The following MSANTD7 variants were observed in gnomAD, a reference collection of about 807,000 sequenced individuals.
MSANTD7 encodes zinc finger and SCAN domain containing 29.
At chr10:14,843,761 C>T in the MSANTD7 span, 2 of 1,536,442 alleles carry the variant, frequency 1.3e-6, no homozygotes, top group South Asian at 1.2e-5. Flanking sequence ...CAGCAAGATA[C>T]TGCCAATGAG....
At chr10:14,843,230 A>G in the MSANTD7 span, 4 of 1,056,984 alleles carry the variant, frequency 3.8e-6, no homozygotes, top group South Asian at 4.6e-5. Flanking sequence ...GATTAAGGAA[A>G]TGGATTCTTC....
At chr10:14,846,262 A>G in the MSANTD7 span, 1 of 985,424 alleles carries the variant, frequency 1.0e-6, no homozygotes, top group Non-Finnish European at 1.2e-6. Context: ...CTGGAAACAC[A>G]GAAGTACTTG....
the MSANTD7 span, chr10:14,842,909 T>C: frequency 1.7e-6 from 2 of 1,177,390 alleles, no homozygotes; most frequent in Non-Finnish European, 2.3e-6. This position sits in a 1 kb window ranked among gnomAD's most constrained non-coding sequence, Gnocchi z 5.2. Context: ...CATTTAGCTG[T>C]GTCTGTTTGG....
chr10:14,846,062 T>G, the MSANTD7 span: 1 of 973,988 alleles, frequency 1.0e-6, no homozygotes, highest in Non-Finnish European at 1.2e-6. Context: ...TAGCATTCTG[T>G]GGTATTAATA....
the MSANTD7 span, chr10:14,842,292 G>T: frequency 6.5e-7 from 1 of 1,535,468 alleles, no homozygotes; most frequent in Non-Finnish European, 8.7e-7. The surrounding 1 kb of genome is among the most constrained non-coding windows in gnomAD (Gnocchi z 5.2). Context: ...ACAATGGCCA[G>T]TGCCAATAGC....
At chr10:14,840,192 T>C in the MSANTD7 span, 2 of 1,007,664 alleles carry the variant, frequency 2.0e-6, no homozygotes, top group South Asian at 2.4e-5. Flanking sequence ...AATATGGTAA[T>C]AGGAACATGT....
chr10:14,845,112 C>G, the MSANTD7 span: 2 of 985,416 alleles, frequency 2.0e-6, no homozygotes, highest in Non-Finnish European at 2.4e-6. Context: ...AACAGATGAG[C>G]CTCCTCCACA....
the MSANTD7 span, chr10:14,840,063 T>C: frequency 1.7e-6 from 2 of 1,163,964 alleles, no homozygotes; most frequent in Non-Finnish European, 2.2e-6. Flanking sequence ...TATATATTAT[T>C]TTTTTTTTCA....
At chr10:14,839,003 C>G in the MSANTD7 span, among the ~76,000 whole-genome samples, 409 of 152,192 alleles carry the variant, frequency 2.7e-3, 1 homozygote, top group South Asian at 0.015. Flanking sequence ...GAGCTGGGCC[C>G]GAACGTCTAG....
the MSANTD7 span, chr10:14,843,427 G>C: frequency 6.4e-7 from 1 of 1,550,828 alleles, no homozygotes; most frequent in Non-Finnish European, 8.7e-7. Flanking sequence ...CAGAGGTGCA[G>C]TTGCTCCCTG....
At chr10:14,839,299 C>G in the MSANTD7 span, among the ~76,000 whole-genome samples, 1 of 152,180 alleles carries the variant, frequency 6.6e-6, no homozygotes, top group Non-Finnish European at 1.5e-5. Flanking sequence ...AGGGGCCCAG[C>G]GCGGTGGCTT....
At chr10:14,839,289 A>C in the MSANTD7 span, among the ~76,000 whole-genome samples, 431 of 152,332 alleles carry the variant, frequency 2.8e-3, 1 homozygote, top group Non-Finnish European at 4.5e-3. Flanking sequence ...ATGGGAAGAA[A>C]GGGGCCCAGC....
the MSANTD7 span, chr10:14,845,477 G>A: frequency 1.0e-6 from 1 of 985,416 alleles, no homozygotes; most frequent in Non-Finnish European, 1.2e-6. Flanking sequence ...CCAAGCCAGG[G>A]ATGGAGGTGT....
At chr10:14,839,105 A>G in the MSANTD7 span, among the ~76,000 whole-genome samples, 7 of 152,204 alleles carry the variant, frequency 4.6e-5, no homozygotes, top group African/African-American at 9.6e-5. Flanking sequence ...TGCGTGGTCT[A>G]CAGAGGTGGC....
the MSANTD7 span, chr10:14,842,661 TGG>T: frequency 6.5e-7 from 1 of 1,536,234 alleles, no homozygotes; most frequent in South Asian, 1.2e-5. The surrounding 1 kb of genome is among the most constrained non-coding windows in gnomAD (Gnocchi z 5.2). Context: ...CAGAACTTAG[TGG>T]CCTCTGACGC....
chr10:14,841,993 T>C, the MSANTD7 span: 2 of 541,396 alleles, frequency 3.7e-6, no homozygotes, highest in Non-Finnish European at 6.8e-6. Flanking sequence ...GTGTCTACCC[T>C]GGGTGAACTC....
the MSANTD7 span, chr10:14,840,157 G>C: frequency 7.3e-7 from 1 of 1,376,858 alleles, no homozygotes; most frequent in Non-Finnish European, 9.8e-7. Context: ...CTGGGCAGAA[G>C]GTATGGAATC....
At chr10:14,838,578 T>C in the MSANTD7 span, 1 of 994,304 alleles carries the variant, frequency 1.0e-6, no homozygotes, top group Non-Finnish European at 1.4e-6. Context: ...GGAGTGGCGT[T>C]GCCGCGAGGA....
the MSANTD7 span, chr10:14,843,560 G>A: frequency 1.2e-5 from 18 of 1,550,580 alleles, no homozygotes; most frequent in South Asian, 1.9e-4. Flanking sequence ...TCGAGAGCTG[G>A]TTTTGTTTCT....
Sources: gnomAD v4.1 joint callset for allele counts (sites outside exome capture counted in the v4.1 genomes callset) on GRCh38, gnomAD v4.1.1 for gene constraint, Gnocchi (gnomAD v3.1) non-coding constraint, MANE v1.5 for transcripts, NCBI Gene and HGNC (gene_info 2026-07-23, HGNC 2026-07-21) for gene names.